The following WSCD2 variants were observed in gnomAD, a reference collection of about 807,000 sequenced individuals.
WSCD2 encodes the protein WSC domain sialate O sulfotransferase 2, also known as sialate:O-sulfotransferase 2.
WSCD2 carries 28 observed loss-of-function variants against 55.7 expected under a neutral mutation model. The ratio of observed to expected loss-of-function variants is 0.50; its 90% CI spans 0.37 to 0.69. The LOEUF (loss-of-function observed/expected upper bound fraction) is 0.69. WSCD2 is among the 30% of genes least tolerant of loss of function. WSCD2 has a pLI of 0.00. For synonymous variants in WSCD2, 301 were observed against 301.9 expected, an observed-to-expected ratio of 1.00 and a Z score of 0.03; for missense variants, 616 against 762.1, an observed-to-expected ratio of 0.81 and a Z score of 2.26.
At chr12:108,137,140 C>G (rs1206173925) in intron 1 of WSCD2, among the ~76,000 whole-genome samples, 1 of 152,220 alleles carries the variant, frequency 6.6e-6, no homozygotes, top group African/African-American at 2.4e-5. Context: ...TGTTTACACT[C>G]CAGTGTCCTG....
At chr12:108,234,973 A>G (rs549624757) in intron 7 of WSCD2, among the ~76,000 whole-genome samples, 100 of 152,284 alleles carry the variant, frequency 6.6e-4, no homozygotes, top group Middle Eastern at 3.4e-3. Context: ...AAAGTAGAGA[A>G]TGGGGAATGG....
intron 1 of WSCD2, among the ~76,000 whole-genome samples, chr12:108,131,503 C>A (rs912430297): frequency 2.0e-5 from 3 of 152,204 alleles, no homozygotes; most frequent in African/African-American, 7.2e-5. Flanking sequence ...ACAGTTCCTA[C>A]TTTACAGGGC....
intron 2 of WSCD2, among the ~76,000 whole-genome samples, chr12:108,199,649 G>T (rs1884406019): frequency 6.6e-6 from 1 of 152,238 alleles, no homozygotes; most frequent in African/African-American, 2.4e-5. Flanking sequence ...CTCTCTAAGT[G>T]CCAGGTGCTG....
chr12:108,246,478 G>A lies in WSCD2; in HGVS notation c.1346-1513G>A, dbSNP rs374799028. Among the ~76,000 whole-genome samples the A allele has an allele frequency of 3.3e-5, 5 of 152,182 alleles. No individual in the cohort carries two copies. In the East Asian group the frequency reaches 9.6e-4, roughly 29 times the overall value. Reference sequence around the variant, plus strand: ...GATTCTCCAGCTGGGGCTCAGAATTGAGGCTGTGATTCCTCTTCTCTGTTC... The same window carrying A: ...GATTCTCCAGCTGGGGCTCAGAATTAAGGCTGTGATTCCTCTTCTCTGTTC... On this transcript the variant is annotated intron_variant, in intron 8 of 8. Transcript: ENST00000547525.
chr12:108,193,395 G>C (rs1035784072), intron 1 of WSCD2, among the ~76,000 whole-genome samples: 1 of 152,224 alleles, frequency 6.6e-6, no homozygotes, highest in African/African-American at 2.4e-5. Flanking sequence ...CACATAGTAG[G>C]CAATCAGCAT....
At chr12:108,206,492 G>T in intron 3 of WSCD2, 89 bp downstream of exon 3, 2 of 1,309,512 alleles carry the variant, frequency 1.5e-6, no homozygotes, top group East Asian at 4.6e-5. Flanking sequence ...CTATGGGAGG[G>T]TGTGTTGAAG....
intron 1 of WSCD2, among the ~76,000 whole-genome samples, chr12:108,156,621 G>T: frequency 6.6e-6 from 1 of 152,160 alleles, no homozygotes; most frequent in Non-Finnish European, 1.5e-5. Flanking sequence ...GACAGGTGTG[G>T]GTTGTGGGTA....
chr12:108,135,616 G>A (rs531180866), intron 1 of WSCD2, among the ~76,000 whole-genome samples: 6 of 152,280 alleles, frequency 3.9e-5, no homozygotes, highest in African/African-American at 1.4e-4. Flanking sequence ...TCCCAGATAG[G>A]GTGACCAATC....
At chr12:108,220,660 G>T (rs746304453) in intron 4 of WSCD2, among the ~76,000 whole-genome samples, 2 of 152,112 alleles carry the variant, frequency 1.3e-5, no homozygotes, top group Non-Finnish European at 2.9e-5. Context: ...CTCCTGAGTA[G>T]CTGGGACTAC....
intron 2 of WSCD2, among the ~76,000 whole-genome samples, chr12:108,199,461 T>C (rs1407283646): frequency 2.6e-5 from 4 of 152,214 alleles, no homozygotes; most frequent in Non-Finnish European, 5.9e-5. Flanking sequence ...CATGGCCATG[T>C]GAGGGCCTGT....
chr12:108,158,195 C>T (rs375363390), intron 1 of WSCD2, among the ~76,000 whole-genome samples: 81 of 152,294 alleles, frequency 5.3e-4, no homozygotes, highest in African/African-American at 1.5e-3. Flanking sequence ...ACCCTACTGA[C>T]CTCGTTTCTG....
chr12:108,248,315 G>C lies in WSCD2; in HGVS notation c.1670G>C (p.Gly557Ala), dbSNP rs548936913. 3 of 1,613,826 alleles carry C rather than the reference G, an allele frequency of 1.9e-6. No individual in the cohort carries two copies. Among genetic ancestry groups the C allele is most frequent in the Admixed American group, 3.3e-5 (2 of 60,028 alleles). The stretch of plus-strand genomic sequence containing the variant: ...GCCCTCAAAGGGCGGAACCTAACGG[G>C]TGTCCCCGATGACTACTACCCAAGA... ...DAALKGRNLTGVPDDYYPR is the reference protein window; with the variant it reads ...DAALKGRNLTAVPDDYYPR The change falls in exon 9 of 9, where the codon GGT becomes GCT. Residue 557 changes from glycine (G) to alanine (A), a missense_variant. Coordinates refer to ENST00000547525, the MANE Select transcript of WSCD2 (RefSeq NM_014653.4). This position sits in a 1 kb window ranked among gnomAD's most constrained non-coding sequence, Gnocchi z 4.3.
chr12:108,243,168 A>G (rs1889879318), intron 8 of WSCD2, among the ~76,000 whole-genome samples: 1 of 152,248 alleles, frequency 6.6e-6, no homozygotes, highest in Non-Finnish European at 1.5e-5. Context: ...CTTGTTGGAA[A>G]TGCTAAAACC....
intron 1 of WSCD2, among the ~76,000 whole-genome samples, chr12:108,185,667 T>C (rs1882388479): frequency 6.6e-6 from 1 of 152,220 alleles, no homozygotes; most frequent in African/African-American, 2.4e-5. Context: ...TAGCTTACTC[T>C]ACGCCATTCC....
intron 8 of WSCD2, among the ~76,000 whole-genome samples, chr12:108,243,525 C>T (rs917338028): frequency 2.0e-5 from 3 of 152,210 alleles, no homozygotes; most frequent in Non-Finnish European, 4.4e-5. Flanking sequence ...TGAGCCACCG[C>T]GCCCAGCCAC....
At chr12:108,242,781 G>A (rs568529480) in intron 8 of WSCD2, among the ~76,000 whole-genome samples, 8 of 152,068 alleles carry the variant, frequency 5.3e-5, no homozygotes, top group Non-Finnish European at 8.8e-5. Context: ...CCCCAACACC[G>A]ACAGGCCCCA....
intron 4 of WSCD2, among the ~76,000 whole-genome samples, chr12:108,215,801 G>A (rs1262073324): frequency 6.6e-6 from 1 of 152,150 alleles, no homozygotes; most frequent in Non-Finnish European, 1.5e-5. Flanking sequence ...CCTCATTTTT[G>A]TGAAGCTCCA....
intron 7 of WSCD2, 66 bp downstream of exon 7, chr12:108,232,961 G>C (rs759794903): frequency 1.9e-6 from 3 of 1,576,184 alleles, no homozygotes; most frequent in Non-Finnish European, 2.6e-6. Context: ...CCACTTGGAG[G>C]GTATGGGAAT....
rs1593130813 is a variant in WSCD2 at position 108,244,753 on chromosome 12, G to T, written c.1346-3238G>T. ...CCAGGTCTCAGACAACAGCCTGAAG[G>T]TAAAGTGAGCAGTAGGCAGCCTAGA... is the stretch of plus-strand genomic sequence containing the variant. On this transcript the variant is annotated intron_variant, in intron 8 of 8. Coordinates refer to ENST00000547525, the MANE Select transcript of WSCD2 (RefSeq NM_014653.4). 6.6e-5 allele frequency among the ~76,000 whole-genome samples: 10 copies of T among 152,272 alleles called. No homozygotes were observed. In the South Asian group the frequency reaches 2.1e-3, roughly 32 times the overall value.
Sources: gnomAD v4.1 joint callset for allele counts (sites outside exome capture counted in the v4.1 genomes callset) on GRCh38, gnomAD v4.1.1 for gene constraint, Gnocchi (gnomAD v3.1) non-coding constraint, MANE v1.5 for transcripts, NCBI Gene and HGNC (gene_info 2026-07-23, HGNC 2026-07-21) for gene names.